Variants in FNBP1 observed in about 807,000 individuals in gnomAD.
The protein encoded by FNBP1 is formin-binding protein 1.
A neutral mutation model predicts 90.6 loss-of-function variants in FNBP1; 26 were observed. That is an observed-to-expected ratio of 0.29 (90% CI 0.21 to 0.40). FNBP1 has a LOEUF of 0.40. FNBP1 is among the 10% of genes least tolerant of loss of function. The probability of loss-of-function intolerance (pLI) is 1.00; values close to 1 mark genes in which losing one functional copy is unlikely to be tolerated. For missense variants in FNBP1, 635 were observed against 768.0 expected (o/e 0.83, Z 2.05); for synonymous variants, 260 against 265.2 (o/e 0.98, Z 0.19).
At chr9:130,011,261 TATATATAAA>T (rs1257313520) in intron 1 of FNBP1, among the ~76,000 whole-genome samples, 4 of 79,812 alleles carry the variant, frequency 5.0e-5, no homozygotes, top group African/African-American at 1.3e-4. Flanking sequence ...TATATATATA[TATATATAAA>T]ATATATATAA....
chr9:129,987,569 C>CAG (rs1452671941), intron 2 of FNBP1, among the ~76,000 whole-genome samples: 6 of 151,848 alleles, frequency 4.0e-5, no homozygotes, highest in Non-Finnish European at 8.8e-5. Flanking sequence ...TTTTTTGAGA[C>CAG]AGAGTCTGTC....
At chr9:129,960,809 G>A (rs1224906872) in intron 4 of FNBP1, among the ~76,000 whole-genome samples, 1 of 151,990 alleles carries the variant, frequency 6.6e-6, no homozygotes, top group Non-Finnish European at 1.5e-5. Flanking sequence ...GTGGTGAGAG[G>A]GGTCAGGTTT....
rs1311164811 is a variant in FNBP1, at chr9:129,900,147, A to G, written c.1551-46T>C. ...CAAAGCAACTAAAGCGACTGACCCCAGGGAGGACTCAGATTGAGTCCCTGC... is the reference window on the plus strand; with the variant it reads ...CAAAGCAACTAAAGCGACTGACCCCGGGGAGGACTCAGATTGAGTCCCTGC... On this transcript the variant is annotated intron_variant, in intron 14 of 16. Coordinates refer to ENST00000446176, the MANE Select transcript of FNBP1 (RefSeq NM_015033.3). This position sits in a 1 kb window ranked among gnomAD's most constrained non-coding sequence, Gnocchi z 4.1. 2 of 1,537,944 alleles carry G rather than the reference A, an allele frequency of 1.3e-6. No individual in the cohort carries two copies. The highest frequency in any genetic ancestry group is 1.8e-6 in the Non-Finnish European group (2 of 1,141,992).
rs139631580 is a variant in FNBP1, at chr9:129,972,920, A to G, written c.345+5545T>C. ...AAGAGAAACTGGATATGCAGCATCTATTTATCAGTATACTGGAACGTTGTG... is the reference window on the plus strand; with the variant it reads ...AAGAGAAACTGGATATGCAGCATCTGTTTATCAGTATACTGGAACGTTGTG... On this transcript the variant is annotated intron_variant, in intron 4 of 16. Transcript: ENST00000446176. Among the ~76,000 whole-genome samples, 5 of 152,322 alleles carry G rather than the reference A, an allele frequency of 3.3e-5. No homozygotes were observed. In the East Asian group the frequency reaches 9.6e-4, roughly 29 times the overall value.
intron 1 of FNBP1, among the ~76,000 whole-genome samples, chr9:129,995,373 G>A (rs1040040461): frequency 1.3e-5 from 2 of 152,102 alleles, no homozygotes; most frequent in African/African-American, 4.8e-5. Flanking sequence ...GGAACGGGGG[G>A]AAGTGTTACA....
At chr9:130,032,808 T>C (rs2058920530) in intron 1 of FNBP1, among the ~76,000 whole-genome samples, 1 of 152,122 alleles carries the variant, frequency 6.6e-6, no homozygotes, top group Non-Finnish European at 1.5e-5. Flanking sequence ...ACTTAAATCT[T>C]AAGAAGGCCC....
chr9:129,953,503 A>C (rs2046475756), intron 6 of FNBP1, among the ~76,000 whole-genome samples: 1 of 151,900 alleles, frequency 6.6e-6, no homozygotes, highest in African/African-American at 2.4e-5. Flanking sequence ...AAAAATAAAT[A>C]AATAAATAAA....
At chr9:130,010,101 C>T (rs2056348904) in intron 1 of FNBP1, among the ~76,000 whole-genome samples, 1 of 152,108 alleles carries the variant, frequency 6.6e-6, no homozygotes, top group Admixed American at 6.6e-5. Context: ...TTATTACCCC[C>T]ATATGTTCAA....
chr9:129,960,398 A>AAAAAG (rs1554817793), intron 4 of FNBP1, among the ~76,000 whole-genome samples: 106 of 132,110 alleles, frequency 8.0e-4, no homozygotes, highest in African/African-American at 2.2e-3. Context: ...AAAAAAAAAA[A>AAAAAG]AAAAAGAAAA....
chr9:129,953,957 T>C (rs975316323), intron 6 of FNBP1, among the ~76,000 whole-genome samples: 4 of 151,888 alleles, frequency 2.6e-5, no homozygotes, highest in Admixed American at 2.6e-4. Flanking sequence ...ATAATCCTAA[T>C]ACTTTAGGAG....
chr9:129,947,238 C>T (rs772945350), intron 6 of FNBP1, among the ~76,000 whole-genome samples: 9 of 151,928 alleles, frequency 5.9e-5, no homozygotes, highest in East Asian at 1.9e-4. Flanking sequence ...GTCAGGAGAT[C>T]GAGACCAGTC....
chr9:129,965,689 C>CACAG (rs5900876), intron 4 of FNBP1, among the ~76,000 whole-genome samples: 142,387 of 150,074 alleles, frequency 0.95, 67,654 homozygotes, highest in East Asian at 0.99. Context: ...TTAAAACACA[C>CACAG]ACACACACGC....
chr9:130,052,608 A>AT, the FNBP1 span, among the ~76,000 whole-genome samples: 1 of 151,508 alleles, frequency 6.6e-6, no homozygotes, highest in Non-Finnish European at 1.5e-5. Context: ...TAATTTTTGT[A>AT]TTTTTAGTAG....
At chr9:129,954,630 AAT>A (rs2046646180) in intron 6 of FNBP1, among the ~76,000 whole-genome samples, 1 of 152,204 alleles carries the variant, frequency 6.6e-6, no homozygotes, top group Non-Finnish European at 1.5e-5. Flanking sequence ...GATATTCAAT[AAT>A]AAGTCAAGCT....
At chr9:129,912,414 C>T (rs185038101) in intron 11 of FNBP1, among the ~76,000 whole-genome samples, 61 of 152,244 alleles carry the variant, frequency 4.0e-4, no homozygotes, top group Admixed American at 1.2e-3. Flanking sequence ...CTAGGCCAGG[C>T]GCGGTAGCTC....
At chr9:129,999,607 A>G (rs1364749290) in intron 1 of FNBP1, among the ~76,000 whole-genome samples, 1 of 152,120 alleles carries the variant, frequency 6.6e-6, no homozygotes, top group Non-Finnish European at 1.5e-5. Context: ...TCAAAAAAAA[A>G]AAAAATCATT....
intron 1 of FNBP1, among the ~76,000 whole-genome samples, chr9:130,022,675 T>A (rs1198654605): frequency 2.0e-5 from 3 of 152,214 alleles, no homozygotes; most frequent in Non-Finnish European, 4.4e-5. Context: ...CGCTCTTTTT[T>A]TTTTTGAGAC....
chr9:129,923,784 G>A (rs1397538468), intron 10 of FNBP1, 60 bp downstream of exon 10: 2 of 1,467,508 alleles, frequency 1.4e-6, no homozygotes, highest in African/African-American at 1.5e-5. Flanking sequence ...AATTAGTTAT[G>A]CAGAACCAAA....
intron 1 of FNBP1, among the ~76,000 whole-genome samples, chr9:130,017,200 GC>G (rs1434600668): frequency 6.6e-6 from 1 of 152,238 alleles, no homozygotes; most frequent in East Asian, 1.9e-4. Flanking sequence ...GCAAAAAAAA[GC>G]TAAAAGTCTC....
Sources: allele counts gnomAD v4.1 joint callset (sites outside exome capture counted in the v4.1 genomes callset), GRCh38; gene constraint gnomAD v4.1.1; non-coding constraint Gnocchi (gnomAD v3.1); transcripts MANE v1.5; gene names NCBI Gene and HGNC (gene_info 2026-07-23, HGNC 2026-07-21).